Variants in ERI2 observed in about 807,000 individuals in gnomAD.
The protein encoded by ERI2 is ERI1 exoribonuclease family member 2.
Under a neutral mutation model 46.8 loss-of-function variants are expected in ERI2, and 35 were observed. That is an observed-to-expected ratio of 0.75 (90% confidence interval 0.57 to 0.99). The LOEUF (loss-of-function observed/expected upper bound fraction) is 0.99, where lower values mean the gene tolerates loss of function less well. Among genes scored for constraint, ERI2 ranks in the 50% least tolerant of loss-of-function variants. The probability of loss-of-function intolerance (pLI) is 0.00; values close to 1 mark genes in which losing one functional copy is unlikely to be tolerated. For missense variants in ERI2, 695 were observed against 796.2 expected (o/e 0.87, Z 1.53); for synonymous variants, 224 against 271.0 (o/e 0.83, Z 1.70).
chr16:20,788,379 TG>T (rs1356570885), intron 10 of ERI2, among the ~76,000 whole-genome samples: 2 of 152,184 alleles, frequency 1.3e-5, no homozygotes, highest in African/African-American at 4.8e-5. Flanking sequence ...TGATCCCAAC[TG>T]CAAGGTACCC....
rs182013854 is a variant in ERI2, at chr16:20,782,670, A to T, written c.895-1936T>A. ...GTCCCACAAGACTCTTTCCCATCTCAAATGCTAATCACAAGTCCAGGCTGT... is the reference window on the plus strand; with the variant it reads ...GTCCCACAAGACTCTTTCCCATCTCTAATGCTAATCACAAGTCCAGGCTGT... On this transcript the variant is annotated intron_variant, in intron 10 of 10. Coordinates refer to the ERI2 transcript ENST00000300005. 1.8e-3 allele frequency among the ~76,000 whole-genome samples: 277 copies of T among 152,256 alleles called. No individual in the cohort carries two copies. The Middle Eastern group carries it at 0.02, about 11-fold the overall frequency.
At chr16:20,782,752 G>A (rs951903778) in intron 10 of ERI2, among the ~76,000 whole-genome samples, 1 of 152,078 alleles carries the variant, frequency 6.6e-6, no homozygotes, top group African/African-American at 2.4e-5. Flanking sequence ...CCCTTCCTTG[G>A]GTTTAGTAAT....
At chr16:20,803,747 G>A (rs777098729) in intron 1 of ERI2, 77 bp from the exon 2 acceptor site, 171 of 1,497,800 alleles carry the variant, frequency 1.1e-4, no homozygotes, top group Non-Finnish European at 1.4e-4. Context: ...CAAACTAATG[G>A]TACTGGGCAA....
At chr16:20,781,727 T>C (rs911747422) in intron 10 of ERI2, 2 of 1,613,114 alleles carry the variant, frequency 1.2e-6, no homozygotes, top group Non-Finnish European at 1.7e-6. Flanking sequence ...AAGTACCCCA[T>C]CACAGTCTTC....
chr16:20,795,181 G>GTGT (rs369288252), downstream of ERI2, among the ~76,000 whole-genome samples: 86 of 152,302 alleles, frequency 5.6e-4, no homozygotes, highest in Admixed American at 1.8e-3. Context: ...AAATGTTCAA[G>GTGT]TGTTGTTGTT....
rs2080876302 is a variant in ERI2, at chr16:20,806,467, G to T, written c.-37C>A. ...CTTGCTTTTCCAAGTCCAGCTGCCG[G>T]AAGTCGCTCGACTTCTACTTCCGGT... On this transcript the variant is annotated 5_prime_UTR_variant, in exon 1 of 9. Transcript: ENST00000357967. 1.3e-6 allele frequency: 2 copies of T among 1,550,602 alleles called. No homozygotes were observed. Among genetic ancestry groups the T allele is most frequent in the Middle Eastern group, 1.7e-4 (1 of 5,988 alleles).
In ERI2 at chr16:20,797,697, C is replaced by A; in HGVS notation, c.*27G>T. On this transcript the variant is annotated 3_prime_UTR_variant, in exon 9 of 9. Coordinates refer to ENST00000357967, the MANE Select transcript of ERI2 (RefSeq NM_001142725.2). ...TACTCATGTTTGGAAATTCAAGGAA[C>A]AATTAGGATTCATACATGAAAGGTT... 1.3e-6 allele frequency: 2 copies of A among 1,496,996 alleles called. No individual in the cohort carries two copies. The highest frequency in any genetic ancestry group is 1.4e-5 in the South Asian group (1 of 73,518). 92.7% of individuals were successfully genotyped at this position (1,496,996 alleles called of 1,614,324 possible).
At chr16:20,794,542 G>A (rs569769639), downstream of ERI2, among the ~76,000 whole-genome samples, 1 of 152,238 alleles carries the variant, frequency 6.6e-6, no homozygotes, top group East Asian at 1.9e-4. Flanking sequence ...CTATCATATT[G>A]AATGGCACAG....
rs1287988378 is a variant in ERI2 at position 20,797,840 on chromosome 16, A to G, written c.1960T>C (p.Ser654Pro). The change falls in exon 9 of 9, where the codon TCT (serine) becomes CCT (proline). Residue 654 changes from serine (S) to proline (P), a missense_variant. Coordinates refer to ENST00000357967, the MANE Select transcript of ERI2 (RefSeq NM_001142725.2). ...QKERANSMVP[S>P]HSTGGLTFSS... ...AAAGTGAGTCCCCCTGTGGAATGAG[A>G]TGGAACCATGCTGTTGGCTCTTTCC... 1.3e-6 allele frequency: 2 copies of G among 1,551,578 alleles called. No individual in the cohort carries two copies. Among genetic ancestry groups the G allele is most frequent in the Non-Finnish European group, 8.7e-7 (1 of 1,146,898 alleles).
chr16:20,780,642 T>C, exon 11 of ERI2: 1 of 1,613,662 alleles, frequency 6.2e-7, no homozygotes, highest in East Asian at 2.2e-5. Context: ...GGAGAGCTTC[T>C]CAAAATTTTT....
intron 9 of ERI2, among the ~76,000 whole-genome samples, chr16:20,789,939 G>A (rs1312152429): frequency 6.6e-6 from 1 of 151,642 alleles, no homozygotes; most frequent in Non-Finnish European, 1.5e-5. Context: ...CTCCCAAAGT[G>A]CTAGGATTAC....
chr16:20,798,053 G>C lies in ERI2; in HGVS notation c.1747C>G (p.Leu583Val), dbSNP rs1317325258. 2.6e-6 allele frequency: 4 copies of C among 1,551,578 alleles called. No homozygotes were observed. Among genetic ancestry groups the C allele is most frequent in the Non-Finnish European group, 3.5e-6 (4 of 1,146,960 alleles). The stretch of plus-strand genomic sequence containing the variant: ...TTCCCACTCTTCCATGGCTCTTGTA[G>C]GTTAACTGTAGAAGTTAATATAGAT... ...LPSILTSTVNLQEPWKSGKMT... is the reference protein window; with the variant it reads ...LPSILTSTVNVQEPWKSGKMT... The change falls in exon 9 of 9, where the codon CTA (leucine) becomes GTA (valine). Residue 583 changes from leucine to valine, a missense_variant. Leu to Val is a conservative substitution (Grantham distance 32, BLOSUM62 1). Coordinates refer to ENST00000357967, the MANE Select transcript of ERI2 (RefSeq NM_001142725.2).
chr16:20,804,915 A>G (rs2080838783), intron 1 of ERI2, among the ~76,000 whole-genome samples: 1 of 152,204 alleles, frequency 6.6e-6, no homozygotes, highest in Non-Finnish European at 1.5e-5. Flanking sequence ...TTAATCCTCA[A>G]CAAGTGTAGT....
Position 20,781,202 on chromosome 16 carries a change from A to G in ERI2, c.895-468T>C. 15 of 1,549,792 alleles carry G rather than the reference A, an allele frequency of 9.7e-6. No homozygotes were observed. In the South Asian group the frequency reaches 1.6e-4, roughly 16 times the overall value. ...GTATGGCTGACAGAACTGGTGAATA[A>G]AGCAACTTGCAGAGATCAGAGTAGA... On this transcript the variant is annotated intron_variant, in intron 10 of 10. Coordinates refer to the ERI2 transcript ENST00000300005.
intron 10 of ERI2, chr16:20,780,960 C>G: frequency 6.2e-7 from 1 of 1,614,048 alleles, no homozygotes; most frequent in Non-Finnish European, 8.5e-7. Context: ...CAGGGCTACT[C>G]TTTGTTTTCC....
rs777376636 is a variant in ERI2, at chr16:20,796,533, C to A, written c.*1191G>T. On this transcript the variant is annotated 3_prime_UTR_variant, in exon 9 of 9. Coordinates refer to ENST00000357967, the MANE Select transcript of ERI2 (RefSeq NM_001142725.2). ...ACGAATATTTGCTCAGTGTTGTGGA[C>A]AATTTCAAGTGTTTATTTTTACATT... is the stretch of plus-strand genomic sequence containing the variant. 2.5e-6 allele frequency: 4 copies of A among 1,599,596 alleles called. No individual in the cohort carries two copies. Among genetic ancestry groups the A allele is most frequent in the East Asian group, 2.2e-5 (1 of 44,786 alleles).
chr16:20,792,353 T>G (rs948433801), downstream of ERI2: 1 of 1,613,234 alleles, frequency 6.2e-7, no homozygotes, highest in South Asian at 1.1e-5. Flanking sequence ...AACTGATTCA[T>G]GTCAACTTTA....
rs1047639230 is a variant in ERI2 at position 20,800,849 on chromosome 16, TTTTTC to T, written c.460+349_460+353del. On this transcript the variant is annotated intron_variant, in intron 5 of 8. Coordinates refer to ENST00000357967, the MANE Select transcript of ERI2 (RefSeq NM_001142725.2). ...AACCTACTTTAAATGGCTCATTTTTTTTTTCTTTTAAGTGTCAAAGCATAAAAGCA... is the reference window on the plus strand; with the variant it reads ...AACCTACTTTAAATGGCTCATTTTTTTTTTAAGTGTCAAAGCATAAAAGCA... 4.5e-5 allele frequency: 8 copies of T among 176,732 alleles called. No individual in the cohort carries two copies. The South Asian group carries it at 7.3e-4, about 16-fold the overall frequency. The allele number at this position is 176,732 out of a possible 1,614,324, so 10.9% of individuals were successfully genotyped here. A position where few individuals can be genotyped will look rare whatever the true frequency, so the allele number is the denominator to read the frequency against.
At chr16:20,791,017 G>T in intron 8 of ERI2, 4 of 1,424,026 alleles carry the variant, frequency 2.8e-6, no homozygotes, top group Non-Finnish European at 3.9e-6. Flanking sequence ...TCCAGTTAGT[G>T]CTCTTTCTTT....
Sources: allele counts gnomAD v4.1 joint callset (sites outside exome capture counted in the v4.1 genomes callset), GRCh38; gene constraint gnomAD v4.1.1; transcripts MANE v1.5; gene names NCBI Gene and HGNC (gene_info 2026-07-23, HGNC 2026-07-21).